The following ZFAT variants were observed in gnomAD, a reference collection of about 807,000 sequenced individuals.
ZFAT encodes the protein zinc finger protein ZFAT.
ZFAT carries 64 observed loss-of-function variants against 117.7 expected under a neutral mutation model. The ratio of observed to expected loss-of-function variants is 0.54; its 90% CI spans 0.44 to 0.67. The LOEUF is 0.67. Ranked by LOEUF, ZFAT falls within the 30% of genes least tolerant of loss-of-function variation. The pLI is 0.00. For synonymous variants in ZFAT, 679 were observed against 615.0 expected (o/e 1.10, Z -1.54); for missense variants, 1,433 against 1,584.5 (o/e 0.90, Z 1.62).
intron 1 of ZFAT, among the ~76,000 whole-genome samples, chr8:134,667,694 A>ACGACTG (rs908503014): frequency 2.0e-5 from 3 of 151,574 alleles, no homozygotes; most frequent in African/African-American, 7.3e-5. Context: ...GACACAGAAG[A>ACGACTG]CGACTGATTT....
intron 1 of ZFAT, among the ~76,000 whole-genome samples, chr8:134,687,865 A>G (rs1757751309): frequency 6.6e-6 from 1 of 152,202 alleles, no homozygotes; most frequent in Admixed American, 6.5e-5. Context: ...GCGTTGCTTT[A>G]GTGTATTTCT....
intron 11 of ZFAT, among the ~76,000 whole-genome samples, chr8:134,549,252 TAACATGGTGAAACCCCG>T: frequency 6.6e-6 from 1 of 152,126 alleles, no homozygotes; most frequent in African/African-American, 2.4e-5. Context: ...CCATCCTGGC[TAACATGGTGAAACCCCG>T]TTTCTACTAA....
the ZFAT span, among the ~76,000 whole-genome samples, chr8:134,727,828 AAAGTTTATTTACAGAACC>A: frequency 6.6e-6 from 1 of 152,162 alleles, no homozygotes; most frequent in Non-Finnish European, 1.5e-5. Flanking sequence ...TGTGCCAATA[AAAGTTTATTTACAGAACC>A]AAGTAGGAAG....
At chr8:134,516,402 C>A (rs79746592) in intron 13 of ZFAT, among the ~76,000 whole-genome samples, 1 of 152,296 alleles carries the variant, frequency 6.6e-6, no homozygotes, top group Non-Finnish European at 1.5e-5. Context: ...CCCATGACAT[C>A]ATTAGAAGGT....
Position 134,601,496 on chromosome 8 carries a change from G to T in ZFAT, c.2223C>A (p.Asp741Glu), listed in dbSNP as rs377369112. The change falls in exon 6 of 16, where the codon GAC (aspartate) becomes GAA (glutamate). Residue 741 changes from aspartate (D) to glutamate (E), a missense_variant. Asp to Glu is a conservative substitution (Grantham distance 45). This residue lies in a region of ZFAT where 372 missense variants were observed against 355.6 expected (regional missense o/e 1.05). Coordinates refer to ENST00000377838, the MANE Select transcript of ZFAT (RefSeq NM_020863.4). ...LCERIRKVYG[D>E]LECEYCGKLF... Reference sequence around the variant, plus strand: ...CCTTACCACAGTATTCACACTCCAGGTCTCCATAAACCTTCCGGATCCGCT... The same window carrying T: ...CCTTACCACAGTATTCACACTCCAGTTCTCCATAAACCTTCCGGATCCGCT... 1.9e-6 allele frequency: 3 copies of T among 1,612,644 alleles called. No homozygotes were observed. The African/African-American group carries it at 4.0e-5, about 21-fold the overall frequency.
At chr8:134,668,152 G>C (rs1015693146) in intron 1 of ZFAT, among the ~76,000 whole-genome samples, 1 of 152,214 alleles carries the variant, frequency 6.6e-6, no homozygotes, top group Non-Finnish European at 1.5e-5. Flanking sequence ...AAGGAGGCCT[G>C]CCTGCCTCTG....
At chr8:134,520,407 C>T (rs368419193) in intron 13 of ZFAT, among the ~76,000 whole-genome samples, 51 of 152,004 alleles carry the variant, frequency 3.4e-4, no homozygotes, top group Middle Eastern at 6.8e-3. Context: ...ATAATAAAGG[C>T]GTGTTTTCAG....
intron 1 of ZFAT, among the ~76,000 whole-genome samples, chr8:134,659,178 T>C (rs1200956176): frequency 6.6e-6 from 1 of 152,232 alleles, no homozygotes. Context: ...GGTGAGCAAG[T>C]ATCTCATCCT....
intron 1 of ZFAT, among the ~76,000 whole-genome samples, chr8:134,711,265 G>T (rs1034600484): frequency 6.6e-6 from 1 of 152,200 alleles, no homozygotes; most frequent in Non-Finnish European, 1.5e-5. Context: ...TACTGCGCCC[G>T]GCTATGGAAC....
intron 1 of ZFAT, among the ~76,000 whole-genome samples, chr8:134,676,118 C>T (rs1832784080): frequency 1.3e-5 from 2 of 152,024 alleles, no homozygotes; most frequent in Non-Finnish European, 1.5e-5. Context: ...TATAAATGGT[C>T]TAAATGCCCC....
intron 15 of ZFAT, among the ~76,000 whole-genome samples, chr8:134,482,013 C>T (rs750227999): frequency 6.6e-5 from 10 of 152,196 alleles, no homozygotes; most frequent in Admixed American, 3.9e-4. Flanking sequence ...CTCTACCATC[C>T]GGCATGAGAC....
At chr8:134,650,763 C>T (rs988675049) in intron 2 of ZFAT, among the ~76,000 whole-genome samples, 3 of 152,166 alleles carry the variant, frequency 2.0e-5, no homozygotes. Context: ...TACATTTGTA[C>T]TCAATTGATT....
At chr8:134,588,132 G>A (rs1586761002) in intron 9 of ZFAT, 114 bp downstream of exon 9, 1 of 1,274,504 alleles carries the variant, frequency 7.8e-7, no homozygotes, top group Non-Finnish European at 1.1e-6. Context: ...AGTGTGCTAA[G>A]GAAATTCTAA....
At chr8:134,730,924 GA>G in the ZFAT span, among the ~76,000 whole-genome samples, 1 of 152,246 alleles carries the variant, frequency 6.6e-6, no homozygotes, top group Non-Finnish European at 1.5e-5. Context: ...GCTACTATAT[GA>G]AGAAAAGCTC....
rs1467115325 is a variant in ZFAT, at chr8:134,601,445, C to G, written c.2242+32G>C. 3.8e-6 allele frequency: 6 copies of G among 1,569,282 alleles called. No homozygotes were observed. The South Asian group carries it at 4.8e-5, about 13-fold the overall frequency. On this transcript the variant is annotated intron_variant, in intron 6 of 15. Coordinates refer to ENST00000377838, the MANE Select transcript of ZFAT (RefSeq NM_020863.4). ...GTGACCACAGCATGATGGTTGTGGA[C>G]AGGGCCACGCACCGGCGCTGCCTTT... is the stretch of plus-strand genomic sequence containing the variant.
At chr8:134,530,664 G>A (rs536463960) in intron 12 of ZFAT, among the ~76,000 whole-genome samples, 1 of 152,206 alleles carries the variant, frequency 6.6e-6, no homozygotes, top group South Asian at 2.1e-4. Flanking sequence ...ATATGCATAT[G>A]CAAATGCTAC....
At chr8:134,517,397 A>G (rs1368206706) in intron 13 of ZFAT, among the ~76,000 whole-genome samples, 1 of 152,104 alleles carries the variant, frequency 6.6e-6, no homozygotes, top group Non-Finnish European at 1.5e-5. Flanking sequence ...CCCTACATAT[A>G]ATGACCCCAT....
chr8:134,781,322 A>C, the ZFAT span, among the ~76,000 whole-genome samples: 1 of 152,064 alleles, frequency 6.6e-6, no homozygotes, highest in African/African-American at 2.4e-5. Context: ...ACCAGGTCTC[A>C]CTATGTCACC....
intron 15 of ZFAT, among the ~76,000 whole-genome samples, chr8:134,490,472 C>G (rs1283398009): frequency 1.3e-5 from 2 of 152,156 alleles, no homozygotes; most frequent in African/African-American, 4.8e-5. Flanking sequence ...GGGTACTTGG[C>G]GATGTCTGGT....
Sources: allele counts gnomAD v4.1 joint callset (sites outside exome capture counted in the v4.1 genomes callset), GRCh38; gene constraint gnomAD v4.1.1; regional missense constraint gnomAD v4.1.1; transcripts MANE v1.5; gene names NCBI Gene and HGNC (gene_info 2026-07-23, HGNC 2026-07-21).